The following KYAT3 variants were observed in gnomAD, a reference collection of about 807,000 sequenced individuals.
KYAT3 encodes the protein kynurenine aminotransferase 3.
In KYAT3, 50 loss-of-function variants were observed where a neutral mutation model predicts 59.0. The ratio of observed to expected loss-of-function variants is 0.85; its 90% CI spans 0.68 to 1.07. The LOEUF (loss-of-function observed/expected upper bound fraction) is 1.07. Ranked by LOEUF, KYAT3 falls within the 50% of genes least tolerant of loss-of-function variation. The probability of loss-of-function intolerance (pLI) is 0.00; values close to 1 mark genes in which losing one functional copy is unlikely to be tolerated. For missense variants in KYAT3, 497 were observed against 533.3 expected, an observed-to-expected ratio of 0.93 and a Z score of 0.67; for synonymous variants, 148 against 177.0, an observed-to-expected ratio of 0.84 and a Z score of 1.30.
chr1:88,947,498 A>G (rs1041428427), intron 11 of KYAT3, among the ~76,000 whole-genome samples: 2 of 152,212 alleles, frequency 1.3e-5, no homozygotes, highest in African/African-American at 4.8e-5. Context: ...TACAGGTCAG[A>G]TGAGAGCCAC....
At chr1:88,922,799 C>T in the KYAT3 span, among the ~76,000 whole-genome samples, 1 of 152,156 alleles carries the variant, frequency 6.6e-6, no homozygotes, top group Non-Finnish European at 1.5e-5. Context: ...TGGAATTGAC[C>T]TCAAATTGGC....
At chr1:88,977,260 G>A (rs1457987057) in intron 2 of KYAT3, among the ~76,000 whole-genome samples, 1 of 152,212 alleles carries the variant, frequency 6.6e-6, no homozygotes, top group Admixed American at 6.5e-5. Context: ...GGAATGCAAC[G>A]GCGCAATCTT....
chr1:88,974,739 T>C (rs1676702945), intron 2 of KYAT3, among the ~76,000 whole-genome samples: 1 of 152,052 alleles, frequency 6.6e-6, no homozygotes, highest in African/African-American at 2.4e-5. Flanking sequence ...CAGCATTCAG[T>C]AAAAATGCAC....
chr1:88,983,869 A>G, intron 2 of KYAT3: 1 of 1,610,388 alleles, frequency 6.2e-7, no homozygotes, highest in Non-Finnish European at 8.5e-7. Context: ...AGTGGGTTCA[A>G]GCTCCAACAA....
intron 4 of KYAT3, among the ~76,000 whole-genome samples, chr1:88,965,607 G>A (rs1676318075): frequency 6.6e-6 from 1 of 152,200 alleles, no homozygotes; most frequent in Admixed American, 6.5e-5. Context: ...GGGGTCTGAA[G>A]ACTCCTGGAT....
At chr1:88,924,917 C>T in the KYAT3 span, among the ~76,000 whole-genome samples, 1 of 152,144 alleles carries the variant, frequency 6.6e-6, no homozygotes, top group Non-Finnish European at 1.5e-5. Flanking sequence ...AGATTCCATT[C>T]CTTGGAATCC....
downstream of KYAT3, among the ~76,000 whole-genome samples, chr1:88,930,964 G>A (rs1011619637): frequency 6.6e-6 from 1 of 152,120 alleles, no homozygotes; most frequent in Non-Finnish European, 1.5e-5. Context: ...GACCCCTAGT[G>A]TGGGGTAATC....
At chr1:88,975,206 A>T (rs937151614) in intron 2 of KYAT3, among the ~76,000 whole-genome samples, 16 of 152,010 alleles carry the variant, frequency 1.1e-4, no homozygotes, top group Admixed American at 5.2e-4. Context: ...GAGCTGTAAC[A>T]CTCACCACAA....
downstream of KYAT3, among the ~76,000 whole-genome samples, chr1:88,932,601 C>A (rs1234856763): frequency 6.6e-6 from 1 of 152,068 alleles, no homozygotes; most frequent in Non-Finnish European, 1.5e-5. Flanking sequence ...TCAAGCAATC[C>A]TCCCCCTCAG....
downstream of KYAT3, among the ~76,000 whole-genome samples, chr1:88,935,248 C>A (rs1674992452): frequency 6.6e-6 from 1 of 151,544 alleles, no homozygotes; most frequent in South Asian, 2.1e-4. Context: ...AGTGATCCAC[C>A]CGCCTCGGCC....
intron 2 of KYAT3, among the ~76,000 whole-genome samples, chr1:88,987,837 T>TA (rs1349847684): frequency 1.3e-5 from 2 of 152,224 alleles, no homozygotes; most frequent in Admixed American, 6.5e-5. Flanking sequence ...TGATTGTCTT[T>TA]AAAAAATGTC....
intron 5 of KYAT3, among the ~76,000 whole-genome samples, chr1:88,963,075 C>T (rs568764714): frequency 1.1e-4 from 16 of 151,382 alleles, no homozygotes; most frequent in African/African-American, 3.6e-4. Context: ...AACTTATATC[C>T]TACTGAGAGA....
At chr1:88,958,369 G>C (rs115558940) in intron 8 of KYAT3, among the ~76,000 whole-genome samples, 3 of 149,438 alleles carry the variant, frequency 2.0e-5, no homozygotes, top group African/African-American at 7.4e-5. Flanking sequence ...TCACTGCTAG[G>C]TTATCTGATT....
chr1:88,941,178 A>G (rs1345177508), intron 13 of KYAT3, among the ~76,000 whole-genome samples: 15 of 152,240 alleles, frequency 9.9e-5, no homozygotes, highest in Admixed American at 9.8e-4. Context: ...AAGGATATTA[A>G]TAGCATTACC....
chr1:88,958,570 A>G (rs1022358377), intron 8 of KYAT3, among the ~76,000 whole-genome samples: 2 of 152,220 alleles, frequency 1.3e-5, no homozygotes, highest in Non-Finnish European at 2.9e-5. Flanking sequence ...TCTACCACAC[A>G]ATTTTCTTAA....
chr1:88,930,225 AAGAGATCTTAC>A, the KYAT3 span, among the ~76,000 whole-genome samples: 2 of 152,182 alleles, frequency 1.3e-5, no homozygotes, highest in African/African-American at 4.8e-5. Flanking sequence ...ATGATACAGG[AAGAGATCTTAC>A]TGTGTGGACA....
chr1:88,954,269 T>A lies in KYAT3; in HGVS notation c.864+880A>T, dbSNP rs576105707. ...GAGAATTGGGTTTTAACTGGATAAA[T>A]TATTGTAATAAATAATACAGTGGTT... On this transcript the variant is annotated intron_variant, in intron 9 of 13. Coordinates refer to ENST00000260508, the MANE Select transcript of KYAT3 (RefSeq NM_001008661.3). Among the ~76,000 whole-genome samples the A allele has an allele frequency of 6.6e-5, 10 of 152,286 alleles. No homozygotes were observed. In the South Asian group the frequency reaches 2.1e-3, roughly 32 times the overall value.
At chr1:88,958,230 T>A (rs1675997295) in intron 8 of KYAT3, among the ~76,000 whole-genome samples, 1 of 152,126 alleles carries the variant, frequency 6.6e-6, no homozygotes, top group Non-Finnish European at 1.5e-5. Flanking sequence ...CTCCTCTCCA[T>A]ATTTACCCTG....
At chr1:88,946,975 T>C (rs957493357) in intron 11 of KYAT3, among the ~76,000 whole-genome samples, 29 of 152,344 alleles carry the variant, frequency 1.9e-4, no homozygotes, top group African/African-American at 7.0e-4. Flanking sequence ...TAAGTTGGTC[T>C]TTCTTATACC....
Sources: allele counts gnomAD v4.1 joint callset (sites outside exome capture counted in the v4.1 genomes callset), GRCh38; gene constraint gnomAD v4.1.1; transcripts MANE v1.5; gene names NCBI Gene and HGNC (gene_info 2026-07-23, HGNC 2026-07-21).